Variants in ADK observed in about 807,000 individuals in gnomAD.
The protein encoded by ADK is N6,N6-dimethyladenosine kinase.
In ADK, 24 loss-of-function variants were observed where a neutral mutation model predicts 44.7. The ratio of observed to expected loss-of-function variants is 0.54; its 90% CI spans 0.39 to 0.76. ADK has a LOEUF of 0.76. Among genes scored for constraint, ADK ranks in the 30% least tolerant of loss-of-function variants. The pLI is 0.00. For missense variants in ADK, 321 were observed against 425.1 expected, an observed-to-expected ratio of 0.76 and a Z score of 2.15; for synonymous variants, 128 against 142.6, an observed-to-expected ratio of 0.90 and a Z score of 0.73.
At chr10:74,383,954 A>T (rs976720875) in intron 4 of ADK, among the ~76,000 whole-genome samples, 2 of 152,108 alleles carry the variant, frequency 1.3e-5, no homozygotes, top group Non-Finnish European at 2.9e-5. Context: ...CAAGTGCCAT[A>T]TTTTGGGGGT....
intron 3 of ADK, among the ~76,000 whole-genome samples, chr10:74,302,097 T>TTTTGTTTG (rs769629153): frequency 3.9e-4 from 25 of 63,872 alleles, no homozygotes; most frequent in African/African-American, 1.2e-3. Flanking sequence ...TCTGTTTTTT[T>TTTTGTTTG]TTTGTTTGTT....
At chr10:74,487,983 CTAA>C (rs1225634314) in intron 6 of ADK, among the ~76,000 whole-genome samples, 4 of 151,998 alleles carry the variant, frequency 2.6e-5, no homozygotes, top group Non-Finnish European at 5.9e-5. Context: ...AGCATCCTAA[CTAA>C]TAATGACTTA....
intron 6 of ADK, among the ~76,000 whole-genome samples, chr10:74,486,247 A>G (rs1353165335): frequency 2.6e-5 from 4 of 152,084 alleles, no homozygotes; most frequent in African/African-American, 9.7e-5. Flanking sequence ...GCCTGCCACC[A>G]TGTAAGACGT....
intron 9 of ADK, among the ~76,000 whole-genome samples, chr10:74,639,196 G>A (rs1173319580): frequency 6.6e-6 from 1 of 152,170 alleles, no homozygotes; most frequent in Non-Finnish European, 1.5e-5. Flanking sequence ...GTTCAAATTA[G>A]AATATGTGAG....
At chr10:74,565,782 T>C (rs1219718262) in intron 7 of ADK, among the ~76,000 whole-genome samples, 2 of 150,042 alleles carry the variant, frequency 1.3e-5, no homozygotes, top group Non-Finnish European at 3.0e-5. Context: ...TAGAGCAATG[T>C]AGTATAACCC....
chr10:74,600,366 CTTCT>C lies in ADK; in HGVS notation c.763-12_763-9del, dbSNP rs1319849338. ...ATTGGTCATGAGAATTTTTTCCTTC[CTTCT>C]ATTAATAGACTAAAGACATTAAAGA... On this transcript the variant is annotated splice_polypyrimidine_tract_variant and intron_variant, in intron 8 of 10. Transcript: ENST00000539909. 7.6e-6 allele frequency: 12 copies of C among 1,574,766 alleles called. No individual in the cohort carries two copies. Among genetic ancestry groups the C allele is most frequent in the Middle Eastern group, 1.7e-4 (1 of 5,974 alleles).
At chr10:74,657,762 C>T (rs1311349318) in intron 9 of ADK, among the ~76,000 whole-genome samples, 1 of 152,024 alleles carries the variant, frequency 6.6e-6, no homozygotes, top group African/African-American at 2.4e-5. Flanking sequence ...ATAATTCCTA[C>T]CTATAAGGAG....
intron 6 of ADK, among the ~76,000 whole-genome samples, chr10:74,463,913 T>C (rs1354919898): frequency 6.6e-6 from 1 of 152,182 alleles, no homozygotes; most frequent in Non-Finnish European, 1.5e-5. Flanking sequence ...AGATTGTTAT[T>C]TGAAAACATA....
intron 3 of ADK, among the ~76,000 whole-genome samples, chr10:74,304,494 G>A (rs983492645): frequency 5.3e-5 from 8 of 152,088 alleles, no homozygotes; most frequent in African/African-American, 4.8e-5. Context: ...ACATATCTGT[G>A]TTAATCGAAA....
rs1843833783 is a variant in ADK at position 74,212,062 on chromosome 10, A to T, written c.140+11224A>T. On this transcript the variant is annotated intron_variant, in intron 2 of 10. Coordinates refer to ENST00000539909, the MANE Select transcript of ADK (RefSeq NM_006721.4). The stretch of plus-strand genomic sequence containing the variant: ...AAATTCTAAATTCTTAGAATTTGAA[A>T]TAAACTGCTATTTGAATCTTTATGT... 2.0e-5 allele frequency among the ~76,000 whole-genome samples: 3 copies of T among 152,322 alleles called. No individual in the cohort carries two copies. In the South Asian group the frequency reaches 6.2e-4, roughly 32 times the overall value.
intron 8 of ADK, among the ~76,000 whole-genome samples, chr10:74,596,638 C>T (rs1430609803): frequency 6.6e-6 from 1 of 152,046 alleles, no homozygotes. Context: ...CTCTGTCTCC[C>T]AGGCTCAAGC....
intron 4 of ADK, among the ~76,000 whole-genome samples, chr10:74,331,937 T>C (rs1464656224): frequency 6.6e-6 from 1 of 152,248 alleles, no homozygotes; most frequent in Admixed American, 6.5e-5. Context: ...CACTGCAAAC[T>C]CTGCCTTCTG....
intron 6 of ADK, among the ~76,000 whole-genome samples, chr10:74,409,311 T>C (rs553683441): frequency 6.6e-6 from 1 of 152,320 alleles, no homozygotes; most frequent in South Asian, 2.1e-4. Context: ...ATGGGGAAAT[T>C]TTTAAACTTT....
At chr10:74,409,901 T>C (rs888585597) in intron 6 of ADK, among the ~76,000 whole-genome samples, 1 of 152,192 alleles carries the variant, frequency 6.6e-6, no homozygotes, top group Non-Finnish European at 1.5e-5. Context: ...CCTATAGGTT[T>C]TTCATACCTA....
intron 6 of ADK, among the ~76,000 whole-genome samples, chr10:74,469,665 A>G (rs1231048003): frequency 6.6e-6 from 1 of 152,138 alleles, no homozygotes; most frequent in Admixed American, 6.6e-5. Flanking sequence ...TGCCCAGTCT[A>G]TCTTAACCAT....
At chr10:74,501,126 T>C (rs1847870484) in intron 6 of ADK, among the ~76,000 whole-genome samples, 1 of 152,202 alleles carries the variant, frequency 6.6e-6, no homozygotes. Context: ...CCAAAACAAT[T>C]ACACAGAAAA....
intron 1 of ADK, among the ~76,000 whole-genome samples, chr10:74,166,917 G>A (rs1842051485): frequency 6.6e-6 from 1 of 152,126 alleles, no homozygotes; most frequent in Non-Finnish European, 1.5e-5. Flanking sequence ...AAGGACACCT[G>A]AGTCCTATTA....
chr10:74,597,522 G>GT (rs1851964699), intron 8 of ADK, among the ~76,000 whole-genome samples: 1 of 152,154 alleles, frequency 6.6e-6, no homozygotes, highest in African/African-American at 2.4e-5. Flanking sequence ...ATCTGTGACA[G>GT]TTCCTCACTC....
chr10:74,596,690 C>T (rs1851937425), intron 8 of ADK, among the ~76,000 whole-genome samples: 13 of 152,104 alleles, frequency 8.5e-5, no homozygotes, highest in Admixed American at 8.5e-4. Context: ...GGACTATAGG[C>T]GCATGCCACC....
Sources: allele counts gnomAD v4.1 joint callset (sites outside exome capture counted in the v4.1 genomes callset), GRCh38; gene constraint gnomAD v4.1.1; transcripts MANE v1.5; gene names NCBI Gene and HGNC (gene_info 2026-07-23, HGNC 2026-07-21).